Variants in LRP8 observed in about 807,000 individuals in gnomAD.
The protein encoded by LRP8 is low-density lipoprotein receptor-related protein 8.
LRP8 carries 46 observed loss-of-function variants against 111.6 expected under a neutral mutation model. The observed-to-expected ratio is 0.41, with a 90% CI of 0.33 to 0.53. LRP8 has a LOEUF of 0.53. LRP8 is among the 20% of genes least tolerant of loss of function. The pLI is 0.20. For missense variants in LRP8, 959 were observed against 1,297.4 expected (o/e 0.74, Z 4.01); for synonymous variants, 464 against 511.2 (o/e 0.91, Z 1.24).
At position 53,266,652 on chromosome 1, in the gene LRP8, C is replaced by G. The variant is rs1646572014; in HGVS notation, c.1253-5G>C. On this transcript the variant is annotated splice_polypyrimidine_tract_variant and splice_region_variant and intron_variant, in intron 8 of 18. Coordinates refer to ENST00000306052, the MANE Select transcript of LRP8 (RefSeq NM_004631.5). This position sits in a 1 kb window ranked among gnomAD's most constrained non-coding sequence, Gnocchi z 5.0. ...TTAGGGATGGGCTCTTGCCAGCTGTCATGCAGGGAGGTTGAAAGAGAAAGA... is the reference window on the plus strand; with the variant it reads ...TTAGGGATGGGCTCTTGCCAGCTGTGATGCAGGGAGGTTGAAAGAGAAAGA... The G allele has an allele frequency of 2.5e-6, 4 of 1,613,614 alleles. No individual in the cohort carries two copies. In the East Asian group the frequency reaches 8.9e-5, roughly 36 times the overall value.
At position 53,242,704 on chromosome 1, in the gene LRP8, T is replaced by C. The variant is rs1158907975; in HGVS notation, c.*4314A>G. 1.3e-5 allele frequency: 2 copies of C among 151,892 alleles called. No individual in the cohort carries two copies. Among genetic ancestry groups the C allele is most frequent in the Non-Finnish European group, 2.9e-5 (2 of 67,976 alleles). The allele number at this position is 151,892 out of a possible 1,614,324, so 9.4% of individuals were successfully genotyped here. ...GGAACAATTTGATGAAGTTTGCAAA[T>C]CAGCACTTTACCCCCAAATTAACAA... is the stretch of plus-strand genomic sequence containing the variant. On this transcript the variant is annotated 3_prime_UTR_variant, in exon 19 of 19. Transcript: ENST00000306052.
At chr1:53,247,386 C>T (rs1364025522) in intron 18 of LRP8, among the ~76,000 whole-genome samples, 1 of 152,116 alleles carries the variant, frequency 6.6e-6, no homozygotes, top group African/African-American at 2.4e-5. Flanking sequence ...TCTTAATCCT[C>T]CCTTATAGGA....
At chr1:53,314,977 C>T (rs1402494583) in intron 2 of LRP8, among the ~76,000 whole-genome samples, 3 of 152,202 alleles carry the variant, frequency 2.0e-5, no homozygotes, top group African/African-American at 7.2e-5. Flanking sequence ...GCATGGGTCC[C>T]TTCAGCCCTG....
In LRP8 at chr1:53,326,817, G is replaced by GC. The variant is rs1040210843; in HGVS notation, c.244+55dup. On this transcript the variant is annotated intron_variant, in intron 2 of 18. Transcript: ENST00000306052. ...CAGCCACGTGCGCGCCAAGCATGGT[G>GC]CCCCCCACCGTTCCTTTTCTCTCCC... is the stretch of plus-strand genomic sequence containing the variant. 1.7e-5 allele frequency: 27 copies of GC among 1,571,980 alleles called. No homozygotes were observed. In the African/African-American group the frequency reaches 2.7e-4, roughly 16 times the overall value.
chr1:53,260,748 T>C, intron 12 of LRP8, 143 bp from the exon 13 acceptor site: 1 of 733,342 alleles, frequency 1.4e-6, no homozygotes. Context: ...ACGGTGGGGC[T>C]CTCAGCCTCT....
rs1649238656 is a variant in LRP8 at position 53,294,001 on chromosome 1, A to G, written c.245-4312T>C. On this transcript the variant is annotated intron_variant, in intron 2 of 18. Coordinates refer to ENST00000306052, the MANE Select transcript of LRP8 (RefSeq NM_004631.5). This position sits in a 1 kb window ranked among gnomAD's most constrained non-coding sequence, Gnocchi z 4.1. ...CCCAATAGTCCCTCGTGAAGAGACC[A>G]TATCAGCCCTGCCATGAGATGAGGG... 6.6e-6 allele frequency among the ~76,000 whole-genome samples: 1 copy of G among 152,216 alleles called. No individual in the cohort carries two copies. Among genetic ancestry groups the G allele is most frequent in the Admixed American group, 6.5e-5 (1 of 15,282 alleles).
chr1:53,289,701 G>A lies in LRP8; in HGVS notation c.245-12C>T. ...ACAGGTCTTCTTGGCTGCAGGGCAA[G>A]GAAGAGAGCGTGGTGAGCCTGGGAG... is the stretch of plus-strand genomic sequence containing the variant. On this transcript the variant is annotated splice_polypyrimidine_tract_variant and intron_variant, in intron 2 of 18. Transcript: ENST00000306052. The A allele has an allele frequency of 6.2e-7, 1 of 1,613,442 alleles. No individual in the cohort carries two copies. Among genetic ancestry groups the A allele is most frequent in the Non-Finnish European group, 8.5e-7 (1 of 1,179,626 alleles).
At chr1:53,273,977 C>CAAAAAACA (rs564770157) in intron 6 of LRP8, among the ~76,000 whole-genome samples, 1,822 of 151,294 alleles carry the variant, frequency 0.012, 28 homozygotes, top group East Asian at 0.075. Context: ...AAACAAAAAA[C>CAAAAAACA]AAAAAAAAAC....
chr1:53,277,813 GTC>G (rs1380611333), intron 4 of LRP8, among the ~76,000 whole-genome samples: 33 of 152,166 alleles, frequency 2.2e-4, no homozygotes, highest in Admixed American at 2.2e-3. Flanking sequence ...TCGCGCAGGC[GTC>G]TGAGTTTCAT....
Position 53,249,257 on chromosome 1 carries a change from C to T in LRP8, c.2853+123G>A. ...TGACTAACCCATTTTTCTTCTTTGC[C>T]CCAACACCCAGCTTACAATTTGCAG... On this transcript the variant is annotated intron_variant, in intron 18 of 18. Coordinates refer to ENST00000306052, the MANE Select transcript of LRP8 (RefSeq NM_004631.5). This position sits in a 1 kb window ranked among gnomAD's most constrained non-coding sequence, Gnocchi z 4.1. The T allele has an allele frequency of 9.5e-7, 1 of 1,055,360 alleles. No individual in the cohort carries two copies. Among genetic ancestry groups the T allele is most frequent in the Non-Finnish European group, 1.4e-6 (1 of 729,542 alleles). 65.4% of individuals were successfully genotyped at this position (1,055,360 alleles called of 1,614,324 possible). A position where few individuals can be genotyped will look rare whatever the true frequency, so the allele number is the denominator to read the frequency against.
intron 16 of LRP8, among the ~76,000 whole-genome samples, chr1:53,253,179 G>T (rs1389324389): frequency 6.6e-6 from 1 of 152,130 alleles, no homozygotes; most frequent in Non-Finnish European, 1.5e-5. Flanking sequence ...AACATCAGGA[G>T]ATATTTTAAT....
intron 2 of LRP8, among the ~76,000 whole-genome samples, chr1:53,320,548 C>T (rs1007356363): frequency 6.6e-6 from 1 of 152,202 alleles, no homozygotes; most frequent in Non-Finnish European, 1.5e-5. Flanking sequence ...CTGACACTCC[C>T]TGAGGTCATG....
chr1:53,326,864 G>T lies in LRP8; in HGVS notation c.244+9C>A. ...TCCCCGGGTCTGAGCTCCCTGGCCC[G>T]CCACTCACGGCAGTCGTCCTCGTCG... On this transcript the variant is annotated intron_variant, in intron 2 of 18. Coordinates refer to ENST00000306052, the MANE Select transcript of LRP8 (RefSeq NM_004631.5). 6.2e-7 allele frequency: 1 copy of T among 1,611,052 alleles called. No individual in the cohort carries two copies. Among genetic ancestry groups the T allele is most frequent in the Non-Finnish European group, 8.5e-7 (1 of 1,178,908 alleles).
chr1:53,264,384 G>C lies in LRP8; in HGVS notation c.1440C>G (p.Asp480Glu). Residue 480 changes from aspartate (D) to glutamate (E), a missense_variant, in exon 10 of 19, where the codon GAC becomes GAG. By Grantham distance (45) the Asp-to-Glu change is conservative (BLOSUM62 2). Around this residue, in one of 3 missense-constraint regions of LRP8, gnomAD observed 819 missense variants for 1,097.6 expected, o/e 0.75. Coordinates refer to ENST00000306052, the MANE Select transcript of LRP8 (RefSeq NM_004631.5). ...SYRKIYSAYM[D>E]KASDPKEQEV... ...CCTGCTCTTTCGGGTCACTGGCCTT[G>C]TCCATGTAGGCGCTTAAGAGAAAAC... 1 of 1,613,630 alleles carries C rather than the reference G, an allele frequency of 6.2e-7. No homozygotes were observed. Among genetic ancestry groups the C allele is most frequent in the Non-Finnish European group, 8.5e-7 (1 of 1,179,780 alleles).
Position 53,260,566 on chromosome 1 carries a change from A to G in LRP8, c.1954T>C (p.Phe652Leu), listed in dbSNP as rs1456585159. Residue 652 changes from phenylalanine (F) to leucine (L), a missense_variant, in exon 13 of 19, where the codon TTC (phenylalanine) becomes CTC (leucine). Around this residue, in one of 3 missense-constraint regions of LRP8, gnomAD observed 819 missense variants for 1,097.6 expected, o/e 0.75. Transcript: ENST00000306052. ...FWTDLENEAI[F>L]SANRLNGLEI... ...AGGCCATTGAGCCGATTTGCACTGA[A>G]AATGGCCTCGTTCTCCAGGTCTGTC... The G allele has an allele frequency of 8.7e-6, 14 of 1,614,084 alleles. No homozygotes were observed. Among genetic ancestry groups the G allele is most frequent in the Non-Finnish European group, 1.2e-5 (14 of 1,180,034 alleles).
chr1:53,275,677 C>A lies in LRP8; in HGVS notation c.960G>T (p.Gln320His). The A allele has an allele frequency of 6.2e-7, 1 of 1,614,162 alleles. No homozygotes were observed. Among genetic ancestry groups the A allele is most frequent in the Non-Finnish European group, 8.5e-7 (1 of 1,180,006 alleles). Residue 320 changes from glutamine (Q) to histidine (H), a missense_variant, in exon 6 of 19, where the codon CAG becomes CAT. This residue lies in a region of LRP8 where 819 missense variants were observed against 1,097.6 expected (regional missense o/e 0.75). Transcript: ENST00000306052. The surrounding 1 kb of genome is among the most constrained non-coding windows in gnomAD (Gnocchi z 4.4). ...TCVLAIKHCN[Q>H]EQDCPDGSDE... ...CACTCCCATCTGGACAGTCCTGCTC[C>A]TGGTTGCAGTGCTTGATTGCAAGGA...
At chr1:53,269,748 G>A (rs1198889922) in intron 8 of LRP8, among the ~76,000 whole-genome samples, 1 of 151,912 alleles carries the variant, frequency 6.6e-6, no homozygotes, top group African/African-American at 2.4e-5. Context: ...AGCCCTTATC[G>A]CCATCTGCCA....
intron 2 of LRP8, among the ~76,000 whole-genome samples, chr1:53,306,577 G>C (rs1042421302): frequency 5.9e-5 from 9 of 151,702 alleles, no homozygotes; most frequent in African/African-American, 2.2e-4. Flanking sequence ...CACCAGTTGA[G>C]GGGTTGGATC....
At chr1:53,292,179 T>A (rs1215245272) in intron 2 of LRP8, 1 of 152,256 alleles carries the variant, frequency 6.6e-6, no homozygotes, top group East Asian at 1.9e-4. Context: ...AGAGACTGTG[T>A]CTCTGAATCT....
Sources: gnomAD v4.1 joint callset for allele counts (sites outside exome capture counted in the v4.1 genomes callset) on GRCh38, gnomAD v4.1.1 for gene constraint, gnomAD v4.1.1 regional missense constraint, Gnocchi (gnomAD v3.1) non-coding constraint, MANE v1.5 for transcripts, NCBI Gene and HGNC (gene_info 2026-07-23, HGNC 2026-07-21) for gene names.